The following ITGB1 variants were observed in gnomAD, a reference collection of about 807,000 sequenced individuals.
ITGB1 encodes integrin subunit beta 1, also known as integrin beta-1.
A neutral mutation model predicts 86.5 loss-of-function variants in ITGB1; 24 were observed. The ratio of observed to expected loss-of-function variants is 0.28; its 90% confidence interval spans 0.20 to 0.39. The LOEUF (loss-of-function observed/expected upper bound fraction) is 0.39. Among genes scored for constraint, ITGB1 ranks in the 10% least tolerant of loss-of-function variants. The pLI is 1.00. For missense variants in ITGB1, 556 were observed against 946.9 expected, an observed-to-expected ratio of 0.59 and a Z score of 5.42; for synonymous variants, 323 against 316.8, an observed-to-expected ratio of 1.02 and a Z score of -0.21.
intron 1 of ITGB1, among the ~76,000 whole-genome samples, chr10:32,936,519 C>T (rs962806117): frequency 6.6e-6 from 1 of 151,932 alleles, no homozygotes; most frequent in Non-Finnish European, 1.5e-5. Context: ...CCAGACCCCC[C>T]ACCTCTCCCC....
At chr10:32,923,938 G>A (rs1021197428) in intron 6 of ITGB1, among the ~76,000 whole-genome samples, 198 bp from the exon 7 acceptor site, 3 of 152,100 alleles carry the variant, frequency 2.0e-5, no homozygotes, top group Non-Finnish European at 4.4e-5. Flanking sequence ...CATGTACAAC[G>A]ATATCTTGCC....
At position 32,917,463 on chromosome 10, in the gene ITGB1, C is replaced by T. The variant is rs551710148; in HGVS notation, c.1469+2422G>A. Among the ~76,000 whole-genome samples the T allele has an allele frequency of 1.1e-4, 17 of 152,300 alleles. No homozygotes were observed. In the South Asian group the frequency reaches 3.3e-3, roughly 30 times the overall value. On this transcript the variant is annotated intron_variant, in intron 11 of 15. Coordinates refer to ENST00000302278, the MANE Select transcript of ITGB1 (RefSeq NM_002211.4). ...ACCCATCTGACAAAGGGCTAATATC[C>T]AGAATCTACAAAGAACTCCAACAAA...
chr10:32,938,094 T>C (rs552207891), intron 1 of ITGB1, among the ~76,000 whole-genome samples: 155 of 152,320 alleles, frequency 1.0e-3, no homozygotes, highest in African/African-American at 3.6e-3. Flanking sequence ...TGTGACTGTA[T>C]CCAAGAGACC....
chr10:32,901,936 G>A (rs565393107), intron 15 of ITGB1, among the ~76,000 whole-genome samples: 6 of 152,280 alleles, frequency 3.9e-5, no homozygotes, highest in African/African-American at 1.2e-4. Flanking sequence ...TGCTGTCATC[G>A]TGGATTCTCT....
In ITGB1 at chr10:32,911,518, T is replaced by C. The variant is rs2094913222; in HGVS notation, c.1861A>G (p.Thr621Ala). The C allele has an allele frequency of 2.5e-6, 4 of 1,614,018 alleles. No individual in the cohort carries two copies. Among genetic ancestry groups the C allele is most frequent in the Non-Finnish European group, 3.4e-6 (4 of 1,180,008 alleles). The part of the protein sequence containing the change: ...GICECGVCKC[T>A]DPKFQGQTCE... ...GTTTGCCCTTGAAACTTCGGATCTG[T>C]ACACTTACAGACACCACACTCGCAG... The change falls in exon 13 of 16, where the codon ACA (threonine) becomes GCA (alanine). Residue 621 changes from threonine to alanine, a missense_variant. Coordinates refer to ENST00000302278, the MANE Select transcript of ITGB1 (RefSeq NM_002211.4).
chr10:32,944,118 G>A (rs1338023346), intron 1 of ITGB1, among the ~76,000 whole-genome samples: 1 of 152,228 alleles, frequency 6.6e-6, no homozygotes, highest in African/African-American at 2.4e-5. Context: ...CATGCAGTCA[G>A]CCAGGAGTGA....
chr10:32,929,905 C>T lies in ITGB1; in HGVS notation c.293G>A (p.Arg98His), dbSNP rs2094977552. 4.3e-6 allele frequency: 7 copies of T among 1,611,186 alleles called. No homozygotes were observed. Among genetic ancestry groups the T allele is most frequent in the South Asian group, 1.1e-5 (1 of 91,012 alleles). ...DIKKNKNVTNRSKGTAEKLKP... is the reference protein window; with the variant it reads ...DIKKNKNVTNHSKGTAEKLKP... ...GAGCTTCTCTGCTGTTCCTTTGCTACGGTTGGTTACATTTTTATTTTTCTT... is the reference window on the plus strand; with the variant it reads ...GAGCTTCTCTGCTGTTCCTTTGCTATGGTTGGTTACATTTTTATTTTTCTT... Residue 98 changes from arginine to histidine, a missense_variant, in exon 4 of 16, where the codon CGT (arginine) becomes CAT (histidine). Arg to His is a conservative substitution (Grantham distance 29). Transcript: ENST00000302278.
intron 11 of ITGB1, among the ~76,000 whole-genome samples, chr10:32,913,125 A>G (rs1412924499): frequency 6.6e-6 from 1 of 152,222 alleles, no homozygotes; most frequent in African/African-American, 2.4e-5. Flanking sequence ...GAAAACTAAC[A>G]AACAGAAAGG....
At chr10:32,911,309 A>C in intron 13 of ITGB1, 139 bp downstream of exon 13, 1 of 686,584 alleles carries the variant, frequency 1.5e-6, no homozygotes, top group East Asian at 2.7e-5. Flanking sequence ...TTTAAGAATT[A>C]AAGAGTAGGC....
At chr10:32,904,349 T>A (rs2094890591) in intron 15 of ITGB1, among the ~76,000 whole-genome samples, 1 of 152,128 alleles carries the variant, frequency 6.6e-6, no homozygotes, top group South Asian at 2.1e-4. Flanking sequence ...CTCAGTAAAA[T>A]GTCATCTTTG....
chr10:32,948,013 T>C (rs796773604), intron 1 of ITGB1, among the ~76,000 whole-genome samples: 34 of 152,292 alleles, frequency 2.2e-4, no homozygotes, highest in African/African-American at 7.5e-4. Flanking sequence ...TGAATTTTTT[T>C]TTTTTTTCAA....
chr10:32,953,337 C>T (rs1243105107), intron 1 of ITGB1, among the ~76,000 whole-genome samples: 2 of 152,192 alleles, frequency 1.3e-5, no homozygotes, highest in Non-Finnish European at 2.9e-5. Context: ...ACAGACTCAA[C>T]ATCAAAGAGC....
At chr10:32,922,414 C>T in intron 8 of ITGB1, 68 bp from the exon 9 acceptor site, 1 of 1,056,474 alleles carries the variant, frequency 9.5e-7, no homozygotes, top group Non-Finnish European at 1.4e-6. Context: ...ATCCACTGAG[C>T]AACTTTTATC....
intron 1 of ITGB1, among the ~76,000 whole-genome samples, chr10:32,938,968 C>A (rs1374313054): frequency 6.6e-6 from 1 of 152,148 alleles, no homozygotes. Flanking sequence ...ATGCTGCTGG[C>A]CTTCCCTTCT....
At chr10:32,918,431 A>C (rs1332343676) in intron 11 of ITGB1, among the ~76,000 whole-genome samples, 1 of 152,120 alleles carries the variant, frequency 6.6e-6, no homozygotes, top group Non-Finnish European at 1.5e-5. Context: ...ACTATAAAAA[A>C]TCTCTTCAAG....
At chr10:32,956,669 C>T (rs1388679591) in intron 1 of ITGB1, among the ~76,000 whole-genome samples, 1 of 152,118 alleles carries the variant, frequency 6.6e-6, no homozygotes, top group African/African-American at 2.4e-5. Context: ...GATGGCTCTT[C>T]TGCACTCCAG....
intron 11 of ITGB1, among the ~76,000 whole-genome samples, chr10:32,916,874 G>A (rs1436309968): frequency 2.6e-5 from 4 of 152,144 alleles, no homozygotes; most frequent in Non-Finnish European, 5.9e-5. Flanking sequence ...AAAAGAGCCT[G>A]CATTGCCAAG....
At chr10:32,954,711 T>C (rs2095049013) in intron 1 of ITGB1, among the ~76,000 whole-genome samples, 1 of 152,192 alleles carries the variant, frequency 6.6e-6, no homozygotes. Flanking sequence ...ATTGGTCCTA[T>C]AAGAAATACA....
rs1035899503 is a variant in ITGB1, at chr10:32,906,709, C to T, written c.2331+1659G>A. 15 of 229,184 alleles carry T rather than the reference C, an allele frequency of 6.5e-5. No individual in the cohort carries two copies. In the Admixed American group the frequency reaches 8.9e-4, roughly 14 times the overall value. The allele number at this position is 229,184 out of a possible 1,614,324, so 14.2% of individuals were successfully genotyped here. ...GATTTCATATACTGGAGTGCATTTG[C>T]CAAATACAACCACCCCATACAAAAC... On this transcript the variant is annotated intron_variant, in intron 15 of 15. Coordinates refer to ENST00000302278, the MANE Select transcript of ITGB1 (RefSeq NM_002211.4).
Sources: gnomAD v4.1 joint callset for allele counts (sites outside exome capture counted in the v4.1 genomes callset) on GRCh38, gnomAD v4.1.1 for gene constraint, MANE v1.5 for transcripts, NCBI Gene and HGNC (gene_info 2026-07-23, HGNC 2026-07-21) for gene names.